The following PGBD2 variants were observed in gnomAD, a reference collection of about 807,000 sequenced individuals.
PGBD2 encodes the protein piggyBac transposable element derived 2, also known as piggyBac transposable element-derived protein 2.
PGBD2 carries 6 observed loss-of-function variants against 8.1 expected under a neutral mutation model. That is an observed-to-expected ratio of 0.74 (90% CI 0.40 to 1.46). The LOEUF (loss-of-function observed/expected upper bound fraction) is 1.46. Ranked by LOEUF, PGBD2 falls within the 40% of genes most tolerant of loss-of-function variation. The probability of loss-of-function intolerance (pLI) is 0.02; values close to 1 mark genes in which losing one functional copy is unlikely to be tolerated. For missense variants in PGBD2, 802 were observed against 739.0 expected, an observed-to-expected ratio of 1.09 and a Z score of -0.99; for synonymous variants, 318 against 272.2, an observed-to-expected ratio of 1.17 and a Z score of -1.66.
intron 1 of PGBD2, among the ~76,000 whole-genome samples, chr1:248,908,835 C>T (rs1405538855): frequency 6.6e-6 from 1 of 151,996 alleles, no homozygotes; most frequent in Non-Finnish European, 1.5e-5. Context: ...CTGTGCTGTG[C>T]CTTTTGCCTG....
chr1:248,908,755 G>A (rs1364220206), intron 1 of PGBD2, among the ~76,000 whole-genome samples: 1 of 150,474 alleles, frequency 6.6e-6, no homozygotes, highest in East Asian at 2.0e-4. Context: ...TCAAGTCTCT[G>A]CAGGGCTGGT....
At chr1:248,922,642 G>C (rs1421064367), downstream of PGBD2, among the ~76,000 whole-genome samples, 2 of 152,104 alleles carry the variant, frequency 1.3e-5, no homozygotes, top group Non-Finnish European at 2.9e-5. Flanking sequence ...TCAATACCTA[G>C]TTTATTGAGA....
At chr1:248,924,628 C>G (rs1308827821), downstream of PGBD2, among the ~76,000 whole-genome samples, 1 of 152,174 alleles carries the variant, frequency 6.6e-6, no homozygotes. Flanking sequence ...TGTCCAGATG[C>G]ATAGGGAGTT....
the PGBD2 span, among the ~76,000 whole-genome samples, chr1:248,874,252 T>C: frequency 3.3e-5 from 5 of 152,174 alleles, no homozygotes; most frequent in East Asian, 1.9e-4. Context: ...ATGTCTTCCC[T>C]GGTGGTCTAG....
At position 248,916,679 on chromosome 1, in the gene PGBD2, A is replaced by G; in HGVS notation, c.95A>G (p.Glu32Gly). Residue 32 changes from glutamate (E) to glycine (G), a missense_variant, in exon 3 of 3, where the codon GAG (glutamate) becomes GGG (glycine). By Grantham distance (98) the Glu-to-Gly change is moderately conservative (BLOSUM62 -2). Transcript: ENST00000329291. Reference protein sequence around the residue: ...KLLEVLNAMEEEESNNNREEI... With the variant: ...KLLEVLNAMEGEESNNNREEI... ...CTTGAGGTTCTGAATGCTATGGAGG[A>G]GGAAGAGTCCAACAACAACAGGGAA... 1 of 1,614,172 alleles carries G rather than the reference A, an allele frequency of 6.2e-7. No individual in the cohort carries two copies. The highest frequency in any genetic ancestry group is 8.5e-7 in the Non-Finnish European group (1 of 1,180,032).
chr1:248,905,276 ACT>A (rs1406034751), upstream of PGBD2, among the ~76,000 whole-genome samples: 1 of 151,532 alleles, frequency 6.6e-6, no homozygotes, highest in Non-Finnish European at 1.5e-5. Flanking sequence ...GCAAATACAA[ACT>A]CTTCACTAAG....
At chr1:248,886,664 C>T in the PGBD2 span, among the ~76,000 whole-genome samples, 5 of 152,234 alleles carry the variant, frequency 3.3e-5, no homozygotes, top group African/African-American at 1.2e-4. Flanking sequence ...CATTTGCTTC[C>T]TCTGCCTGGG....
At chr1:248,901,037 A>G in the PGBD2 span, among the ~76,000 whole-genome samples, 159 of 152,294 alleles carry the variant, frequency 1.0e-3, no homozygotes, top group African/African-American at 3.6e-3. Flanking sequence ...CTAACAGGGG[A>G]AGTGAAGGAC....
chr1:248,927,489 G>A, the PGBD2 span, among the ~76,000 whole-genome samples: 4 of 152,294 alleles, frequency 2.6e-5, no homozygotes, highest in East Asian at 7.7e-4. Context: ...TCTGCAAAGG[G>A]CTAAATGTTA....
chr1:248,912,574 C>G (rs965458785), intron 1 of PGBD2: 4 of 152,136 alleles, frequency 2.6e-5, no homozygotes, highest in Non-Finnish European at 5.9e-5. Flanking sequence ...TGTCTTTACT[C>G]CAAAATATTT....
the PGBD2 span, among the ~76,000 whole-genome samples, chr1:248,927,724 A>G: frequency 2.0e-5 from 3 of 152,216 alleles, no homozygotes; most frequent in Non-Finnish European, 1.5e-5. Context: ...AATGCCTACA[A>G]GAGCTCTTGT....
chr1:248,907,171 T>C (rs1031846423), intron 1 of PGBD2, among the ~76,000 whole-genome samples: 3 of 151,784 alleles, frequency 2.0e-5, no homozygotes, highest in African/African-American at 4.9e-5. Context: ...CAAAGAAACA[T>C]GTGAGCAAAA....
At chr1:248,880,451 A>C in the PGBD2 span, among the ~76,000 whole-genome samples, 29,041 of 152,176 alleles carry the variant, frequency 0.19, 4,638 homozygotes, top group East Asian at 0.42. Flanking sequence ...TTGTTATCTG[A>C]AATCCAACCA....
At chr1:248,895,558 T>C in the PGBD2 span, among the ~76,000 whole-genome samples, 332 of 152,074 alleles carry the variant, frequency 2.2e-3, no homozygotes, top group African/African-American at 7.8e-3. Flanking sequence ...TATTTTTTTT[T>C]CTTCATTATT....
At chr1:248,910,273 C>T (rs1468038749) in intron 1 of PGBD2, among the ~76,000 whole-genome samples, 1 of 152,190 alleles carries the variant, frequency 6.6e-6, no homozygotes. Context: ...GGTTTTGCTG[C>T]CAAAGAGTTT....
downstream of PGBD2, among the ~76,000 whole-genome samples, chr1:248,921,380 C>G (rs1489928639): frequency 6.6e-6 from 1 of 152,000 alleles, no homozygotes; most frequent in Non-Finnish European, 1.5e-5. Flanking sequence ...TTTCCCAACA[C>G]TATTAAATAG....
upstream of PGBD2, among the ~76,000 whole-genome samples, chr1:248,905,945 G>A (rs1335859386): frequency 4.6e-5 from 7 of 152,148 alleles, no homozygotes; most frequent in Admixed American, 4.6e-4. Flanking sequence ...GTTAGATTGG[G>A]GGCACATTTG....
chr1:248,923,674 A>T (rs560883369), downstream of PGBD2, among the ~76,000 whole-genome samples: 1 of 152,376 alleles, frequency 6.6e-6, no homozygotes, highest in South Asian at 2.1e-4. Flanking sequence ...TGTCTATCTT[A>T]GAACTTTCTT....
the PGBD2 span, among the ~76,000 whole-genome samples, chr1:248,891,406 G>T: frequency 6.6e-6 from 1 of 152,102 alleles, no homozygotes; most frequent in African/African-American, 2.4e-5. Flanking sequence ...GGGGCATATG[G>T]GTTATACTTT....
Sources: gnomAD v4.1 joint callset for allele counts (sites outside exome capture counted in the v4.1 genomes callset) on GRCh38, gnomAD v4.1.1 for gene constraint, MANE v1.5 for transcripts, NCBI Gene and HGNC (gene_info 2026-07-23, HGNC 2026-07-21) for gene names.